The following DYNC2H1 variants were observed in gnomAD, a reference collection of about 807,000 sequenced individuals.
The protein encoded by DYNC2H1 is cytoplasmic dynein 2 heavy chain 1.
Under a neutral mutation model 570.0 loss-of-function variants are expected in DYNC2H1, and 410 were observed. The ratio of observed to expected loss-of-function variants is 0.72; its 90% CI spans 0.66 to 0.78. The LOEUF (loss-of-function observed/expected upper bound fraction) is 0.78. DYNC2H1 is among the 30% of genes least tolerant of loss of function. The pLI is 0.00. For synonymous variants in DYNC2H1, 1,688 were observed against 1,677.6 expected (o/e 1.01, Z -0.15); for missense variants, 4,865 against 5,046.4 (o/e 0.96, Z 1.09).
intron 38 of DYNC2H1, among the ~76,000 whole-genome samples, chr11:103,178,046 G>A (rs899518809): frequency 6.6e-6 from 1 of 151,754 alleles, no homozygotes; most frequent in Admixed American, 6.6e-5. Flanking sequence ...GAGTAAGTTG[G>A]GTGAATTGTA....
At chr11:103,368,433 C>A (rs1441564249) in intron 83 of DYNC2H1, among the ~76,000 whole-genome samples, 1 of 151,406 alleles carries the variant, frequency 6.6e-6, no homozygotes, top group Non-Finnish European at 1.5e-5. Flanking sequence ...ATTTTTGAAT[C>A]ACATTTGGGT....
chr11:103,413,702 T>C (rs1196748072), intron 84 of DYNC2H1, among the ~76,000 whole-genome samples: 1 of 152,210 alleles, frequency 6.6e-6, no homozygotes, highest in African/African-American at 2.4e-5. Flanking sequence ...GATGGAACTC[T>C]GCCTACTCCC....
intron 85 of DYNC2H1, among the ~76,000 whole-genome samples, chr11:103,445,703 G>T (rs373609247): frequency 2.0e-5 from 3 of 152,322 alleles, no homozygotes; most frequent in South Asian, 4.1e-4. Flanking sequence ...CCAGGCTGGG[G>T]TGCAGTGGCT....
At chr11:103,357,887 C>A (rs904637681) in intron 82 of DYNC2H1, among the ~76,000 whole-genome samples, 1 of 152,148 alleles carries the variant, frequency 6.6e-6, no homozygotes, top group African/African-American at 2.4e-5. Flanking sequence ...GGATTTGAAG[C>A]TGCAGTGAGC....
chr11:103,266,379 T>C (rs2135293086), intron 70 of DYNC2H1, among the ~76,000 whole-genome samples: 1 of 152,138 alleles, frequency 6.6e-6, no homozygotes, highest in East Asian at 1.9e-4. Context: ...CCCCTGTGGG[T>C]GCAGGTGGGT....
rs1246827455 is a variant in DYNC2H1 at position 103,133,034 on chromosome 11, TTTACTTAGTC to T, written c.1954-520_1954-511del. ...CAAGTAGGTGATGGAAGATCAGCTT[TTTACTTAGTC>T]CCACTGAAACATTAGAAAGGGGTGA... On this transcript the variant is annotated intron_variant, in intron 13 of 88. Transcript: ENST00000375735. The surrounding 1 kb of genome is among the most constrained non-coding windows in gnomAD (Gnocchi z 4.8). Among the ~76,000 whole-genome samples, 1 of 152,156 alleles carries T rather than the reference TTTACTTAGTC, an allele frequency of 6.6e-6. No homozygotes were observed. Among genetic ancestry groups the T allele is most frequent in the Non-Finnish European group, 1.5e-5 (1 of 68,020 alleles).
intron 77 of DYNC2H1, 66 bp from the exon 78 acceptor site, chr11:103,307,655 T>G (rs1346070804): frequency 5.3e-6 from 4 of 756,464 alleles, no homozygotes; most frequent in Non-Finnish European, 6.3e-6. Context: ...TTACTAATAA[T>G]GTAATGTAAA....
chr11:103,320,728 A>G (rs190509098), intron 80 of DYNC2H1, among the ~76,000 whole-genome samples: 2 of 152,252 alleles, frequency 1.3e-5, no homozygotes, highest in African/African-American at 4.8e-5. Flanking sequence ...AGATTGTATA[A>G]CTTTCTCATT....
At chr11:103,220,877 C>A in intron 57 of DYNC2H1, 94 bp downstream of exon 57, 1 of 1,249,636 alleles carries the variant, frequency 8.0e-7, no homozygotes, top group South Asian at 1.6e-5. Context: ...TTTCAAAATG[C>A]ACTTCATCTA....
At position 103,181,977 on chromosome 11, in the gene DYNC2H1, C is replaced by G. The variant is rs11225585; in HGVS notation, c.6477+91C>G. 6.7e-3 allele frequency: 9,457 copies of G among 1,415,434 alleles called. 525 individuals carry two copies. The African/African-American group carries it at 0.12, about 18-fold the overall frequency. 87.7% of individuals were successfully genotyped at this position (1,415,434 alleles called of 1,614,324 possible). A position where few individuals can be genotyped will look rare whatever the true frequency, so the allele number is the denominator to read the frequency against. ...TTAACTTCCTTGTGGTAGAACTCTG[C>G]TGGAATGTGGGTGTGAGGTGAGAGG... On this transcript the variant is annotated intron_variant, in intron 40 of 88. Coordinates refer to ENST00000375735, the MANE Select transcript of DYNC2H1 (RefSeq NM_001377.3). The surrounding 1 kb of genome is among the most constrained non-coding windows in gnomAD (Gnocchi z 5.0).
chr11:103,479,261 T>C lies in DYNC2H1; in HGVS notation c.*8T>C, dbSNP rs1414242561. 1 of 1,606,972 alleles carries C rather than the reference T, an allele frequency of 6.2e-7. No individual in the cohort carries two copies. Among genetic ancestry groups the C allele is most frequent in the East Asian group, 2.2e-5 (1 of 44,766 alleles). ...TTCCTAAAAAATCAGTAGAATCTAA[T>C]GACAACAAAAGCCATCTTCACAAAA... On this transcript the variant is annotated 3_prime_UTR_variant, in exon 89 of 89. Transcript: ENST00000375735.
At position 103,186,450 on chromosome 11, in the gene DYNC2H1, C is replaced by G. The variant is rs752630467; in HGVS notation, c.6842C>G (p.Ser2281Cys). ...GATTATTTCAAACCATGGTTAAGTT[C>G]TGATACTAAACAGCCCTTTATTCTG... The part of the protein sequence containing the change: ...GLDYFKPWLS[S>C]DTKQPFILVG... Residue 2281 changes from serine to cysteine, a missense_variant, in exon 42 of 89, where the codon TCT becomes TGT. Ser to Cys is a moderately radical substitution (Grantham distance 112). Coordinates refer to ENST00000375735, the MANE Select transcript of DYNC2H1 (RefSeq NM_001377.3). This position sits in a 1 kb window ranked among gnomAD's most constrained non-coding sequence, Gnocchi z 4.5. The G allele has an allele frequency of 3.1e-6, 5 of 1,612,290 alleles. No homozygotes were observed. Among genetic ancestry groups the G allele is most frequent in the Non-Finnish European group, 2.5e-6 (3 of 1,179,076 alleles).
chr11:103,161,863 G>C (rs953739093), intron 29 of DYNC2H1, among the ~76,000 whole-genome samples: 5 of 152,140 alleles, frequency 3.3e-5, no homozygotes, highest in African/African-American at 9.7e-5. Flanking sequence ...GCATCACATG[G>C]AATTGTAACT....
chr11:103,116,673 A>G lies in DYNC2H1; in HGVS notation c.725A>G (p.His242Arg), dbSNP rs185536034. Residue 242 changes from histidine to arginine, a missense_variant, in exon 5 of 89, where the codon CAT (histidine) becomes CGT (arginine). This residue lies in a region of DYNC2H1 where 1,936 missense variants were observed against 1,962.1 expected (regional missense o/e 0.99). Coordinates refer to ENST00000375735, the MANE Select transcript of DYNC2H1 (RefSeq NM_001377.3). ...GTGTGGAGACAAACAGAACATGATC[A>G]TTATCCTGAGTCACGAATGTTGCAT... Reference protein sequence around the residue: ...DDVWRQTEHDHYPESRMLHLL... With the variant: ...DDVWRQTEHDRYPESRMLHLL... 68 of 1,606,434 alleles carry G rather than the reference A, an allele frequency of 4.2e-5. No homozygotes were observed. In the East Asian group the frequency reaches 8.5e-4, roughly 20 times the overall value.
chr11:103,340,211 G>A (rs181227963), intron 82 of DYNC2H1, among the ~76,000 whole-genome samples: 43 of 152,236 alleles, frequency 2.8e-4, no homozygotes, highest in Admixed American at 9.1e-4. Context: ...CCTGCATGGG[G>A]GATGATTGCT....
Position 103,243,561 on chromosome 11 carries a change from A to G in DYNC2H1, c.9820-132A>G, listed in dbSNP as rs1427542775. On this transcript the variant is annotated intron_variant, in intron 63 of 88. Coordinates refer to ENST00000375735, the MANE Select transcript of DYNC2H1 (RefSeq NM_001377.3). The surrounding 1 kb of genome is among the most constrained non-coding windows in gnomAD (Gnocchi z 4.8). ...ATTTTTGTTTCTTTTTCATGGTTGT[A>G]TATTTGTGTTCTCCAAAGCTTGAGA... 5.6e-6 allele frequency: 4 copies of G among 717,336 alleles called. No individual in the cohort carries two copies. Among genetic ancestry groups the G allele is most frequent in the Non-Finnish European group, 9.0e-6 (4 of 445,330 alleles). The allele number at this position is 717,336 out of a possible 1,614,324, so 44.4% of individuals were successfully genotyped here. A position where few individuals can be genotyped will look rare whatever the true frequency, so the allele number is the denominator to read the frequency against.
chr11:103,235,887 AAAAT>A, intron 62 of DYNC2H1, 74 bp downstream of exon 62: 1 of 1,558,402 alleles, frequency 6.4e-7, no homozygotes, highest in Non-Finnish European at 8.7e-7. Flanking sequence ...CAATATACTA[AAAAT>A]AGACCCTTTA....
At chr11:103,120,858 A>T (rs928128188) in intron 8 of DYNC2H1, 56 bp downstream of exon 8, 199 of 1,117,194 alleles carry the variant, frequency 1.8e-4, no homozygotes, top group African/African-American at 2.1e-4. Flanking sequence ...TATATATATA[A>T]AAATATATAT....
chr11:103,183,841 A>G (rs1357053652), intron 40 of DYNC2H1, among the ~76,000 whole-genome samples: 1 of 151,800 alleles, frequency 6.6e-6, no homozygotes, highest in Non-Finnish European at 1.5e-5. Flanking sequence ...TAATTTTTTT[A>G]AGCACAGCGA....
Sources: allele counts gnomAD v4.1 joint callset (sites outside exome capture counted in the v4.1 genomes callset), GRCh38; gene constraint gnomAD v4.1.1; regional missense constraint gnomAD v4.1.1; non-coding constraint Gnocchi (gnomAD v3.1); transcripts MANE v1.5; gene names NCBI Gene and HGNC (gene_info 2026-07-23, HGNC 2026-07-21).